Variants in CNBD1 observed in about 807,000 individuals in gnomAD.
CNBD1 encodes cyclic nucleotide binding domain containing 1, also known as cyclic nucleotide-binding domain-containing protein 1.
Under a neutral mutation model 54.4 loss-of-function variants are expected in CNBD1, and 71 were observed. The observed-to-expected ratio is 1.30, with a 90% CI of 1.08 to 1.59. CNBD1 has a LOEUF of 1.59. Among genes scored for constraint, CNBD1 ranks in the 40% most tolerant of loss-of-function variants. The pLI, the probability that CNBD1 is intolerant of heterozygous loss-of-function variation, is 0.00. For synonymous variants in CNBD1, 182 were observed against 170.7 expected, an observed-to-expected ratio of 1.07 and a Z score of -0.51; for missense variants, 659 against 518.0, an observed-to-expected ratio of 1.27 and a Z score of -2.64.
rs115573209 is a variant in CNBD1 at position 87,382,429 on chromosome 8, A to T, written c.1304-191A>T. 8.4e-3 allele frequency among the ~76,000 whole-genome samples: 1,275 copies of T among 152,170 alleles called. 31 individuals carry two copies. The highest frequency in any genetic ancestry group is 0.029 in the African/African-American group (1,221 of 41,570). On this transcript the variant is annotated intron_variant, in intron 10 of 10. Coordinates refer to ENST00000518476, the MANE Select transcript of CNBD1 (RefSeq NM_173538.3). ...TCCTTGTGGAAAAATGATCACTCTC[A>T]AATGTCATTAGAGGGGGTGTAAAGT...
intron 8 of CNBD1, among the ~76,000 whole-genome samples, chr8:87,337,273 C>T (rs1188517766): frequency 6.6e-6 from 1 of 152,152 alleles, no homozygotes; most frequent in Non-Finnish European, 1.5e-5. Context: ...CTCATCTGGG[C>T]TGCCCGGAGT....
chr8:87,051,475 G>A (rs980164380), intron 4 of CNBD1, among the ~76,000 whole-genome samples: 3 of 152,112 alleles, frequency 2.0e-5, no homozygotes, highest in African/African-American at 7.2e-5. Context: ...GGGAAATCAG[G>A]GGTCTCACAG....
chr8:86,947,294 A>C (rs1471947330), intron 4 of CNBD1, among the ~76,000 whole-genome samples: 1 of 152,134 alleles, frequency 6.6e-6, no homozygotes, highest in East Asian at 1.9e-4. Flanking sequence ...AAAGAGATGA[A>C]AATGTGGTCA....
At chr8:87,032,657 T>G (rs774962437) in intron 4 of CNBD1, among the ~76,000 whole-genome samples, 39 of 152,116 alleles carry the variant, frequency 2.6e-4, no homozygotes, top group Non-Finnish European at 4.3e-4. Flanking sequence ...TACATTGTAA[T>G]TTTTGTCTTC....
rs201108767 is a variant in CNBD1 at position 87,202,234 on chromosome 8, T to TG, written c.432-3755dup. On this transcript the variant is annotated intron_variant, in intron 4 of 10. Transcript: ENST00000518476. ...GTTAACACAGTAACTGACTGAATTC[T>TG]GGGGAGCAATAGATAAGTCCATAAT... 9.0e-3 allele frequency among the ~76,000 whole-genome samples: 1,364 copies of TG among 152,284 alleles called. 20 individuals are homozygous for TG. The highest frequency in any genetic ancestry group is 0.031 in the Middle Eastern group (9 of 294).
intron 2 of CNBD1, among the ~76,000 whole-genome samples, chr8:87,418,193 A>G (rs974228386): frequency 6.6e-6 from 1 of 151,992 alleles, no homozygotes; most frequent in Non-Finnish European, 1.5e-5. Context: ...AAGGATAGAC[A>G]TATGGGCTAA....
At chr8:87,344,393 AT>A (rs1427586763) in intron 8 of CNBD1, among the ~76,000 whole-genome samples, 1 of 152,112 alleles carries the variant, frequency 6.6e-6, no homozygotes, top group African/African-American at 2.4e-5. Context: ...CAGTTTAAAA[AT>A]AGAAATGGAT....
At chr8:87,013,783 T>C (rs995362830) in intron 4 of CNBD1, among the ~76,000 whole-genome samples, 4 of 151,916 alleles carry the variant, frequency 2.6e-5, no homozygotes, top group African/African-American at 9.7e-5. Context: ...TATAATGTTA[T>C]GTTTAATTGG....
At chr8:87,230,238 C>T (rs940363103) in intron 5 of CNBD1, among the ~76,000 whole-genome samples, 2 of 152,112 alleles carry the variant, frequency 1.3e-5, no homozygotes, top group African/African-American at 2.4e-5. Context: ...ACCCATGATC[C>T]AATCACCTCC....
intron 4 of CNBD1, among the ~76,000 whole-genome samples, chr8:87,025,442 G>A (rs1017569367): frequency 1.3e-5 from 2 of 152,228 alleles, no homozygotes; most frequent in Non-Finnish European, 2.9e-5. Context: ...TACTCCTGAA[G>A]TCAGGAAGAC....
chr8:86,883,182 T>TAA (rs35388299), intron 1 of CNBD1, among the ~76,000 whole-genome samples: 1 of 149,466 alleles, frequency 6.7e-6, no homozygotes, highest in Non-Finnish European at 1.5e-5. Context: ...ACTTAAAAGT[T>TAA]AAAAAAAAAA....
intron 8 of CNBD1, among the ~76,000 whole-genome samples, chr8:87,345,911 C>A (rs1441054268): frequency 6.6e-6 from 1 of 151,830 alleles, no homozygotes; most frequent in Admixed American, 6.6e-5. Context: ...TAATTAATTT[C>A]TAAATTTTGA....
intron 4 of CNBD1, among the ~76,000 whole-genome samples, chr8:86,998,330 G>A (rs533654801): frequency 1.3e-5 from 2 of 151,970 alleles, no homozygotes; most frequent in East Asian, 1.9e-4. Context: ...GGCACATCAC[G>A]GTCTTCTTGT....
At chr8:87,103,984 G>A (rs115547422) in intron 4 of CNBD1, among the ~76,000 whole-genome samples, 2,318 of 152,240 alleles carry the variant, frequency 0.015, 55 homozygotes, top group African/African-American at 0.053. Context: ...GTGGGTGCTA[G>A]AAGATGAGAC....
At chr8:86,970,382 T>G (rs1352939043) in intron 4 of CNBD1, among the ~76,000 whole-genome samples, 1 of 152,176 alleles carries the variant, frequency 6.6e-6, no homozygotes, top group Non-Finnish European at 1.5e-5. Context: ...TTTCTTTTGC[T>G]CTTATTTCTT....
At chr8:87,264,002 AT>A (rs1304190098) in intron 6 of CNBD1, among the ~76,000 whole-genome samples, 14 of 151,920 alleles carry the variant, frequency 9.2e-5, no homozygotes, top group South Asian at 2.1e-4. Context: ...ATTTTATTTT[AT>A]TTTTTTATTA....
intron 7 of CNBD1, among the ~76,000 whole-genome samples, chr8:87,285,100 T>A (rs1021692250): frequency 6.6e-6 from 1 of 152,138 alleles, no homozygotes; most frequent in Non-Finnish European, 1.5e-5. Context: ...CACTCACTCA[T>A]TCATTCAACA....
chr8:86,898,691 A>G (rs949931830), intron 2 of CNBD1, among the ~76,000 whole-genome samples: 1 of 152,168 alleles, frequency 6.6e-6, no homozygotes, highest in African/African-American at 2.4e-5. Context: ...CATAGACCTA[A>G]ATTTAAAATG....
intron 3 of CNBD1, among the ~76,000 whole-genome samples, chr8:86,909,861 C>A (rs1028860883): frequency 2.6e-5 from 4 of 152,098 alleles, no homozygotes; most frequent in Admixed American, 1.3e-4. Context: ...ACAGTATAAC[C>A]ACCCTTTTCT....
Sources: allele counts gnomAD v4.1 joint callset (sites outside exome capture counted in the v4.1 genomes callset), GRCh38; gene constraint gnomAD v4.1.1; transcripts MANE v1.5; gene names NCBI Gene and HGNC (gene_info 2026-07-23, HGNC 2026-07-21).